Variants in LY86 observed in about 807,000 individuals in gnomAD.
LY86 encodes lymphocyte antigen 86.
In LY86, 20 loss-of-function variants were observed where a neutral mutation model predicts 17.3. The ratio of observed to expected loss-of-function variants is 1.15; its 90% CI spans 0.81 to 1.68. LY86 has a LOEUF of 1.68. Among genes scored for constraint, LY86 ranks in the 40% most tolerant of loss-of-function variants. The pLI, the probability that LY86 is intolerant of heterozygous loss-of-function variation, is 0.00. For missense variants in LY86, 200 were observed against 191.9 expected, an observed-to-expected ratio of 1.04 and a Z score of -0.25; for synonymous variants, 74 against 70.6, an observed-to-expected ratio of 1.05 and a Z score of -0.24.
At chr6:6,652,092 T>A (rs915062442) in intron 4 of LY86, among the ~76,000 whole-genome samples, 1 of 146,190 alleles carries the variant, frequency 6.8e-6, no homozygotes, top group Admixed American at 6.8e-5. Context: ...GGAAAAAGGT[T>A]GACCAGATAA....
intron 4 of LY86, among the ~76,000 whole-genome samples, chr6:6,653,444 C>T (rs572744430): frequency 6.6e-6 from 1 of 152,328 alleles, no homozygotes; most frequent in East Asian, 1.9e-4. Flanking sequence ...TTTTCCTCTC[C>T]AGATTCGTGT....
At chr6:6,649,707 T>C (rs769479976) in intron 4 of LY86, 30 bp downstream of exon 4, 1 of 1,328,960 alleles carries the variant, frequency 7.5e-7, no homozygotes, top group South Asian at 1.2e-5. Context: ...TTGTATTAAA[T>C]AGTTTGTTTC....
At chr6:6,606,437 G>A (rs1761149379) in intron 1 of LY86, among the ~76,000 whole-genome samples, 2 of 152,340 alleles carry the variant, frequency 1.3e-5, no homozygotes, top group East Asian at 3.9e-4. Flanking sequence ...TGGGCGGCAG[G>A]TGGAGCTGCC....
chr6:6,604,129 T>A (rs1436588304), intron 1 of LY86, among the ~76,000 whole-genome samples: 1 of 152,168 alleles, frequency 6.6e-6, no homozygotes, highest in Non-Finnish European at 1.5e-5. Flanking sequence ...AAATATTAAT[T>A]ATCTCTATGG....
At chr6:6,599,353 G>A (rs115740248) in intron 1 of LY86, among the ~76,000 whole-genome samples, 1 of 152,218 alleles carries the variant, frequency 6.6e-6, no homozygotes, top group Non-Finnish European at 1.5e-5. Flanking sequence ...CCAACCAGCA[G>A]AAGAAACTTG....
chr6:6,617,328 A>G lies in LY86; in HGVS notation c.137-7598A>G, dbSNP rs187423749. On this transcript the variant is annotated intron_variant, in intron 1 of 4. Coordinates refer to ENST00000230568, the MANE Select transcript of LY86 (RefSeq NM_004271.4). ...GTTAAGAAACATATTGTAAGAAAGA[A>G]GAGTGACACTGTTATTAAGATGGTG... Among the ~76,000 whole-genome samples the G allele has an allele frequency of 8.0e-4, 122 of 152,362 alleles. 2 individuals are homozygous for G. Among genetic ancestry groups the G allele is most frequent in the Non-Finnish European group, 7.3e-5 (5 of 68,044 alleles).
chr6:6,639,019 A>G (rs1762001263), intron 3 of LY86, among the ~76,000 whole-genome samples: 1 of 152,034 alleles, frequency 6.6e-6, no homozygotes, highest in Admixed American at 6.5e-5. Context: ...AAGACTTGGA[A>G]CCAACCCACA....
intron 1 of LY86, among the ~76,000 whole-genome samples, chr6:6,597,781 G>A (rs1285658794): frequency 6.6e-6 from 1 of 152,218 alleles, no homozygotes; most frequent in African/African-American, 2.4e-5. Context: ...ACAGTGGCCA[G>A]GAAGAAAAAA....
chr6:6,649,560 CAT>C, intron 3 of LY86, 63 bp from the exon 4 acceptor site: 1 of 1,009,458 alleles, frequency 9.9e-7, no homozygotes. Flanking sequence ...AACCACAAAT[CAT>C]GTGAATGAAT....
chr6:6,594,093 T>C (rs1210256438), intron 1 of LY86, among the ~76,000 whole-genome samples: 1 of 152,254 alleles, frequency 6.6e-6, no homozygotes, highest in East Asian at 1.9e-4. Context: ...CCCAGCGTTA[T>C]AATTTCACAT....
chr6:6,617,684 A>G (rs548191120), intron 1 of LY86, among the ~76,000 whole-genome samples: 1 of 152,308 alleles, frequency 6.6e-6, no homozygotes, highest in East Asian at 1.9e-4. Flanking sequence ...TCCAGCCACT[A>G]AGATGCACTG....
At chr6:6,637,174 G>A (rs959569965) in intron 3 of LY86, among the ~76,000 whole-genome samples, 1 of 151,760 alleles carries the variant, frequency 6.6e-6, no homozygotes, top group African/African-American at 2.4e-5. Flanking sequence ...CATCACGCTC[G>A]GCTAATTTTT....
At position 6,626,277 on chromosome 6, in the gene LY86, C is replaced by G; in HGVS notation, c.224-16C>G. 1 of 1,612,814 alleles carries G rather than the reference C, an allele frequency of 6.2e-7. No homozygotes were observed. The highest frequency in any genetic ancestry group is 2.2e-5 in the East Asian group (1 of 44,874). On this transcript the variant is annotated splice_polypyrimidine_tract_variant and intron_variant, in intron 2 of 4. Transcript: ENST00000230568. The stretch of plus-strand genomic sequence containing the variant: ...AACACGCAGTAAGAGTAAAGCTGTT[C>G]TTCTCTTTCCTCCAGGAGAGGACAT...
chr6:6,604,960 CTA>C (rs1158880598), intron 1 of LY86, among the ~76,000 whole-genome samples: 3 of 151,576 alleles, frequency 2.0e-5, no homozygotes, highest in Non-Finnish European at 4.4e-5. Flanking sequence ...ACCTAGAATT[CTA>C]TATACAGTAT....
intron 1 of LY86, among the ~76,000 whole-genome samples, chr6:6,595,987 T>C (rs1230300526): frequency 1.3e-5 from 2 of 152,172 alleles, no homozygotes; most frequent in African/African-American, 4.8e-5. Context: ...ACACTTGCAA[T>C]CAGCACCTGC....
At chr6:6,652,366 C>G (rs1762200890) in intron 4 of LY86, among the ~76,000 whole-genome samples, 1 of 152,146 alleles carries the variant, frequency 6.6e-6, no homozygotes, top group South Asian at 2.1e-4. Context: ...AAGACGTACC[C>G]CATATCCCCT....
intron 1 of LY86, among the ~76,000 whole-genome samples, chr6:6,611,747 C>T (rs1157539741): frequency 2.6e-5 from 4 of 152,200 alleles, no homozygotes; most frequent in Admixed American, 2.6e-4. Context: ...ACTAAATCAC[C>T]TTTGTATCCC....
chr6:6,629,803 G>A (rs547508396), intron 3 of LY86, among the ~76,000 whole-genome samples: 19 of 152,308 alleles, frequency 1.2e-4, no homozygotes, highest in African/African-American at 4.1e-4. Context: ...TACTTATGCT[G>A]TGATTGACAA....
chr6:6,616,967 C>CCCTGA (rs1761570727), intron 1 of LY86, among the ~76,000 whole-genome samples: 1 of 152,226 alleles, frequency 6.6e-6, no homozygotes, highest in African/African-American at 2.4e-5. Flanking sequence ...GTCCCTAAGC[C>CCCTGA]AGGCTCTCCC....
Sources: gnomAD v4.1 joint callset for allele counts (sites outside exome capture counted in the v4.1 genomes callset) on GRCh38, gnomAD v4.1.1 for gene constraint, MANE v1.5 for transcripts, NCBI Gene and HGNC (gene_info 2026-07-23, HGNC 2026-07-21) for gene names.